UBE2D2: variants seen among roughly 807,000 people sequenced by gnomAD.
UBE2D2 encodes ubiquitin-conjugating enzyme E2 D2.
A neutral mutation model predicts 24.2 loss-of-function variants in UBE2D2; 2 were observed. That is an observed-to-expected ratio of 0.08 (90% CI 0.03 to 0.26). The LOEUF (loss-of-function observed/expected upper bound fraction) is 0.26. Ranked by LOEUF, UBE2D2 falls within the 10% of genes least tolerant of loss-of-function variation. The pLI, the probability that UBE2D2 is intolerant of heterozygous loss-of-function variation, is 1.00. For synonymous variants in UBE2D2, 58 were observed against 56.5 expected (o/e 1.03, Z -0.12); for missense variants, 44 against 177.6 (o/e 0.25, Z 4.28).
chr5:139,584,408 A>C (rs934935391), intron 1 of UBE2D2, among the ~76,000 whole-genome samples: 2 of 151,982 alleles, frequency 1.3e-5, no homozygotes, highest in Non-Finnish European at 2.9e-5. Flanking sequence ...TAAGTTTAGC[A>C]TGACTATATT....
At chr5:139,565,656 A>T (rs1024560626) in intron 1 of UBE2D2, among the ~76,000 whole-genome samples, 1 of 152,162 alleles carries the variant, frequency 6.6e-6, no homozygotes, top group African/African-American at 2.4e-5. Context: ...AGAGGGCTTC[A>T]TGTGCTCTGT....
At chr5:139,594,704 G>A (rs535040189) in intron 1 of UBE2D2, among the ~76,000 whole-genome samples, 3 of 152,110 alleles carry the variant, frequency 2.0e-5, no homozygotes, top group Admixed American at 6.6e-5. Flanking sequence ...GTGAGCCACC[G>A]CACCCGGTCA....
At chr5:139,575,510 A>G (rs1581502677) in intron 1 of UBE2D2, among the ~76,000 whole-genome samples, 1 of 152,244 alleles carries the variant, frequency 6.6e-6, no homozygotes, top group African/African-American at 2.4e-5. Context: ...ATTGAATCCC[A>G]GTATTCTTCA....
intron 1 of UBE2D2, among the ~76,000 whole-genome samples, chr5:139,594,581 T>C (rs1461400632): frequency 6.6e-6 from 1 of 152,000 alleles, no homozygotes; most frequent in Non-Finnish European, 1.5e-5. Flanking sequence ...ACCCGACTAA[T>C]TTTTGTATTT....
At chr5:139,568,770 A>G (rs898684488) in intron 1 of UBE2D2, among the ~76,000 whole-genome samples, 4 of 152,210 alleles carry the variant, frequency 2.6e-5, no homozygotes, top group African/African-American at 7.2e-5. Flanking sequence ...CAGGAGTTCA[A>G]TACCAGCCTA....
chr5:139,560,595 G>C (rs1753053440), upstream of UBE2D2, among the ~76,000 whole-genome samples: 1 of 152,172 alleles, frequency 6.6e-6, no homozygotes, highest in African/African-American at 2.4e-5. Context: ...GCCTCCCAAA[G>C]TGCTGAGATT....
chr5:139,535,727 C>T (rs1752661915), intron 1 of UBE2D2, among the ~76,000 whole-genome samples: 1 of 152,182 alleles, frequency 6.6e-6, no homozygotes, highest in Admixed American at 6.5e-5. Context: ...TGTATTGACA[C>T]AAAAGATATT....
chr5:139,592,133 GACAGGTTGCAGTGA>G (rs924661153), intron 1 of UBE2D2, among the ~76,000 whole-genome samples: 1 of 152,050 alleles, frequency 6.6e-6, no homozygotes, highest in Non-Finnish European at 1.5e-5. Flanking sequence ...ACTTGGGAAA[GACAGGTTGCAGTGA>G]ACCAAGATTG....
intron 1 of UBE2D2, among the ~76,000 whole-genome samples, chr5:139,583,928 G>A (rs1165960263): frequency 6.6e-6 from 1 of 152,156 alleles, no homozygotes; most frequent in Non-Finnish European, 1.5e-5. Context: ...GAAAATTCCT[G>A]TTGCCTAGTG....
intron 2 of UBE2D2, among the ~76,000 whole-genome samples, chr5:139,612,519 C>G (rs1307009191): frequency 6.6e-6 from 1 of 152,196 alleles, no homozygotes; most frequent in East Asian, 1.9e-4. Flanking sequence ...TACTATCTTA[C>G]CCAACTCTTA....
At chr5:139,621,762 A>T (rs1207610186) in intron 5 of UBE2D2, among the ~76,000 whole-genome samples, 1 of 152,156 alleles carries the variant, frequency 6.6e-6, no homozygotes, top group Non-Finnish European at 1.5e-5. Flanking sequence ...AGCTGGGACC[A>T]TAGGAGTGTG....
intron 1 of UBE2D2, among the ~76,000 whole-genome samples, chr5:139,565,147 G>C (rs1177004884): frequency 2.6e-5 from 4 of 152,052 alleles, no homozygotes; most frequent in African/African-American, 4.8e-5. Context: ...TGCTACATCT[G>C]GGTTCTGATA....
intron 1 of UBE2D2, among the ~76,000 whole-genome samples, chr5:139,551,241 G>C (rs1157405050): frequency 6.6e-6 from 1 of 152,120 alleles, no homozygotes; most frequent in Non-Finnish European, 1.5e-5. Flanking sequence ...AGCTACCCAG[G>C]AGGCTAAGGC....
Position 139,561,550 on chromosome 5 carries a change from T to TGGCGGC in UBE2D2, c.-241_-236dup, listed in dbSNP as rs887046059. 7.2e-6 allele frequency: 3 copies of TGGCGGC among 416,174 alleles called. No individual in the cohort carries two copies. The highest frequency in any genetic ancestry group is 4.4e-5 in the Admixed American group (1 of 22,512). The allele number at this position is 416,174 out of a possible 1,614,324, so 25.8% of individuals were successfully genotyped here. On this transcript the variant is annotated 5_prime_UTR_variant, in exon 1 of 7. Coordinates refer to ENST00000398733, the MANE Select transcript of UBE2D2 (RefSeq NM_003339.3). ...GAGGCAGCTACGGCGGCGGCGGCGGTGGCGGCTAGGGCGGCGGCGAATAAA... is the reference window on the plus strand; with the variant it reads ...GAGGCAGCTACGGCGGCGGCGGCGGTGGCGGCGGCGGCTAGGGCGGCGGCGAATAAA...
chr5:139,626,194 G>A (rs1450635213), intron 6 of UBE2D2, among the ~76,000 whole-genome samples: 1 of 151,496 alleles, frequency 6.6e-6, no homozygotes, highest in African/African-American at 2.4e-5. Flanking sequence ...TCAGCCTCCT[G>A]AGTAGCTGGG....
intron 1 of UBE2D2, among the ~76,000 whole-genome samples, chr5:139,530,483 A>C (rs1330905178): frequency 6.6e-6 from 1 of 152,246 alleles, no homozygotes; most frequent in Non-Finnish European, 1.5e-5. Context: ...CTTAGGCACA[A>C]GAAGGCTCAT....
At chr5:139,529,526 G>A (rs1440039761) in intron 1 of UBE2D2, among the ~76,000 whole-genome samples, 2 of 151,898 alleles carry the variant, frequency 1.3e-5, no homozygotes, top group Non-Finnish European at 2.9e-5. Flanking sequence ...TACTTAAAAA[G>A]AAAATAAAAA....
At chr5:139,566,525 A>G (rs1753223444) in intron 1 of UBE2D2, among the ~76,000 whole-genome samples, 1 of 152,070 alleles carries the variant, frequency 6.6e-6, no homozygotes, top group African/African-American at 2.4e-5. Flanking sequence ...AATACAAAAA[A>G]TTAGCTGGGT....
chr5:139,562,213 T>C (rs1753117316), intron 1 of UBE2D2: 2 of 1,382,204 alleles, frequency 1.4e-6, no homozygotes, highest in African/African-American at 2.9e-5. Flanking sequence ...TCTCGCCCCA[T>C]TTCTGTTCCC....
Sources: allele counts gnomAD v4.1 joint callset (sites outside exome capture counted in the v4.1 genomes callset), GRCh38; gene constraint gnomAD v4.1.1; transcripts MANE v1.5; gene names NCBI Gene and HGNC (gene_info 2026-07-23, HGNC 2026-07-21).